Variants in BRINP2 observed in about 807,000 individuals in gnomAD.
BRINP2 encodes BMP/retinoic acid-inducible neural-specific protein 2.
Under a neutral mutation model 69.2 loss-of-function variants are expected in BRINP2, and 21 were observed. That is an observed-to-expected ratio of 0.30 (90% CI 0.22 to 0.44). The LOEUF (loss-of-function observed/expected upper bound fraction) is 0.44, where lower values mean the gene tolerates loss of function less well. Among genes scored for constraint, BRINP2 ranks in the 20% least tolerant of loss-of-function variants. BRINP2 has a pLI of 1.00. For synonymous variants in BRINP2, 380 were observed against 394.1 expected (o/e 0.96, Z 0.42); for missense variants, 877 against 986.0 (o/e 0.89, Z 1.48).
chr1:177,198,188 G>A (rs1648802022), intron 1 of BRINP2, among the ~76,000 whole-genome samples: 1 of 152,162 alleles, frequency 6.6e-6, no homozygotes, highest in Admixed American at 6.6e-5. Flanking sequence ...GAAAATGTAT[G>A]TAGAAATGTT....
chr1:177,240,279 T>A (rs548999243), intron 2 of BRINP2, among the ~76,000 whole-genome samples: 1 of 152,280 alleles, frequency 6.6e-6, no homozygotes, highest in East Asian at 1.9e-4. Context: ...CGTAGTTGGT[T>A]TATTAGTAAC....
chr1:177,183,137 CTTTTTTTTTTTTTT>C (rs71129597), intron 1 of BRINP2, among the ~76,000 whole-genome samples: 2 of 54,302 alleles, frequency 3.7e-5, no homozygotes. Context: ...AGTGTGTGAG[CTTTTTTTTTTTTTT>C]TTTTTTTTTT....
intron 2 of BRINP2, among the ~76,000 whole-genome samples, chr1:177,250,130 C>T (rs903346047): frequency 2.0e-5 from 3 of 152,158 alleles, no homozygotes; most frequent in Admixed American, 6.5e-5. Context: ...GGGCTGGACT[C>T]AAACTCCTGG....
chr1:177,232,456 G>A (rs1437904300), intron 2 of BRINP2, among the ~76,000 whole-genome samples: 3 of 152,190 alleles, frequency 2.0e-5, no homozygotes, highest in Non-Finnish European at 2.9e-5. Flanking sequence ...ACAGTAACCA[G>A]TCATTCTGAC....
At chr1:177,217,570 C>A (rs1649415418) in intron 1 of BRINP2, among the ~76,000 whole-genome samples, 1 of 151,994 alleles carries the variant, frequency 6.6e-6, no homozygotes, top group African/African-American at 2.4e-5. Flanking sequence ...TCTTTATAAT[C>A]CTTGTATCCT....
chr1:177,232,126 A>G lies in BRINP2; in HGVS notation c.269+1981A>G, dbSNP rs1649876353. ...ACTGTTATCACCAAAAATAATTTTT[A>G]AAAAGTGTATTGGAATTGAAGTCAG... On this transcript the variant is annotated intron_variant, in intron 2 of 7. Coordinates refer to ENST00000361539, the MANE Select transcript of BRINP2 (RefSeq NM_021165.4). 2.0e-5 allele frequency among the ~76,000 whole-genome samples: 3 copies of G among 152,160 alleles called. 1 individual carries two copies. Among genetic ancestry groups the G allele is most frequent in the Admixed American group, 2.0e-4 (3 of 15,274 alleles).
At chr1:177,180,906 T>G (rs949784293) in intron 1 of BRINP2, among the ~76,000 whole-genome samples, 3 of 152,164 alleles carry the variant, frequency 2.0e-5, no homozygotes, top group Non-Finnish European at 4.4e-5. Context: ...GACCAATCAT[T>G]GTTGTTCTCC....
intron 1 of BRINP2, among the ~76,000 whole-genome samples, chr1:177,181,753 C>T (rs1047237802): frequency 6.6e-6 from 1 of 152,170 alleles, no homozygotes; most frequent in East Asian, 1.9e-4. Context: ...AGGCGCCCTG[C>T]ACACGCCTCT....
rs1430582554 is a variant in BRINP2, at chr1:177,278,588, G to A, written c.1038G>A (p.Arg346=). The A allele has an allele frequency of 1.2e-6, 2 of 1,614,012 alleles. No individual in the cohort carries two copies. The highest frequency in any genetic ancestry group is 3.3e-5 in the Admixed American group (2 of 60,002). The part of the protein sequence containing the change: ...ESEEFQALLK[R]LPDDRFLNST... Reference sequence around the variant, plus strand: ...AAGAGTTCCAGGCCCTGCTGAAAAGGCTGCCCGATGACCGGTTCCTGAACT... The same window carrying A: ...AAGAGTTCCAGGCCCTGCTGAAAAGACTGCCCGATGACCGGTTCCTGAACT... The change falls in exon 7 of 8, where the codon AGG becomes AGA. Residue 346 remains arginine (R), a synonymous_variant. Coordinates refer to ENST00000361539, the MANE Select transcript of BRINP2 (RefSeq NM_021165.4).
Position 177,256,095 on chromosome 1 carries a change from C to G in BRINP2, c.446C>G (p.Ser149Cys), listed in dbSNP as rs1286356455. 1 of 1,614,070 alleles carries G rather than the reference C, an allele frequency of 6.2e-7. No homozygotes were observed. Among genetic ancestry groups the G allele is most frequent in the Non-Finnish European group, 8.5e-7 (1 of 1,179,918 alleles). Reference protein sequence around the residue: ...IKKYGTHFLLSATLGGEESLT... With the variant: ...IKKYGTHFLLCATLGGEESLT... ...AAGTACGGCACTCATTTCTTACTTT[C>G]TGCCACCCTTGGAGGTAAGCAACAT... is the stretch of plus-strand genomic sequence containing the variant. The change falls in exon 3 of 8, where the codon TCT (serine) becomes TGT (cysteine). Residue 149 changes from serine to cysteine, a missense_variant. Ser to Cys is a moderately radical substitution (Grantham distance 112). Around this residue, in one of 3 missense-constraint regions of BRINP2, gnomAD observed 566 missense variants for 625.2 expected, o/e 0.91. Coordinates refer to ENST00000361539, the MANE Select transcript of BRINP2 (RefSeq NM_021165.4).
At chr1:177,216,434 T>A (rs759199899) in intron 1 of BRINP2, among the ~76,000 whole-genome samples, 30 of 152,204 alleles carry the variant, frequency 2.0e-4, no homozygotes, top group South Asian at 6.2e-4. Flanking sequence ...GTATCTTTTT[T>A]AAATATGTTT....
At chr1:177,273,681 C>T (rs1651407290) in intron 5 of BRINP2, 88 bp downstream of exon 5, 1 of 788,942 alleles carries the variant, frequency 1.3e-6, no homozygotes, top group Non-Finnish European at 1.9e-6. Context: ...AAAATTCTGC[C>T]TGTTCCATTT....
chr1:177,220,379 A>C (rs1649490365), intron 1 of BRINP2, among the ~76,000 whole-genome samples: 1 of 152,092 alleles, frequency 6.6e-6, no homozygotes, highest in Non-Finnish European at 1.5e-5. Flanking sequence ...CTTTGGTGAT[A>C]AGTGAGCTCT....
chr1:177,178,546 T>C (rs1279271571), intron 1 of BRINP2, among the ~76,000 whole-genome samples: 2 of 152,242 alleles, frequency 1.3e-5, no homozygotes, highest in Non-Finnish European at 2.9e-5. Context: ...ACTCTGTAAA[T>C]AGTATCCCTC....
chr1:177,174,158 A>C (rs1648021202), intron 1 of BRINP2, among the ~76,000 whole-genome samples: 1 of 152,196 alleles, frequency 6.6e-6, no homozygotes, highest in South Asian at 2.1e-4. Flanking sequence ...CCTCAGAAAG[A>C]GGAACTGCTT....
At chr1:177,173,049 G>C (rs1647986083) in intron 1 of BRINP2, among the ~76,000 whole-genome samples, 1 of 152,178 alleles carries the variant, frequency 6.6e-6, no homozygotes, top group Non-Finnish European at 1.5e-5. Flanking sequence ...CCGGGGGGCA[G>C]TCTGATGACA....
intron 1 of BRINP2, among the ~76,000 whole-genome samples, chr1:177,216,769 T>C (rs1649390651): frequency 1.3e-5 from 2 of 150,964 alleles, no homozygotes; most frequent in Admixed American, 1.3e-4. Flanking sequence ...TGAAGTATTC[T>C]TGGTTGGTAG....
At chr1:177,185,386 T>C (rs1648397289) in intron 1 of BRINP2, among the ~76,000 whole-genome samples, 1 of 152,152 alleles carries the variant, frequency 6.6e-6, no homozygotes, top group Admixed American at 6.5e-5. Context: ...AAATTTTCTA[T>C]GGAAAGTACT....
Position 177,257,193 on chromosome 1 carries a change from A to AT in BRINP2, c.483dup (p.Val162CysfsTer77). ...CACCATAGGAGAAGAGTCCCTGACC[A>AT]TTTTTGTGGACAAGCAGAAACTGGG... is the stretch of plus-strand genomic sequence containing the variant. On this transcript the variant is annotated frameshift_variant, in exon 4 of 8. Coordinates refer to ENST00000361539, the MANE Select transcript of BRINP2 (RefSeq NM_021165.4). LOFTEE classifies it high-confidence loss of function. 1 of 1,614,018 alleles carries AT rather than the reference A, an allele frequency of 6.2e-7. No individual in the cohort carries two copies. The highest frequency in any genetic ancestry group is 8.5e-7 in the Non-Finnish European group (1 of 1,180,004).
Sources: allele counts gnomAD v4.1 joint callset (sites outside exome capture counted in the v4.1 genomes callset), GRCh38; gene constraint gnomAD v4.1.1; regional missense constraint gnomAD v4.1.1; transcripts MANE v1.5; gene names NCBI Gene and HGNC (gene_info 2026-07-23, HGNC 2026-07-21).